Variants in PTPRN2 observed in about 807,000 individuals in gnomAD.
PTPRN2 encodes the protein protein tyrosine phosphatase receptor type N2, also known as receptor-type tyrosine-protein phosphatase N2.
PTPRN2 carries 74 observed loss-of-function variants against 118.8 expected under a neutral mutation model. The ratio of observed to expected loss-of-function variants is 0.62; its 90% CI spans 0.52 to 0.76. The LOEUF is 0.76. Among genes scored for constraint, PTPRN2 ranks in the 30% least tolerant of loss-of-function variants. PTPRN2 has a pLI of 0.00. For missense variants in PTPRN2, 1,481 were observed against 1,394.4 expected (o/e 1.06, Z -0.99); for synonymous variants, 641 against 608.0 (o/e 1.05, Z -0.80).
At chr7:157,894,138 G>A (rs1348850536) in intron 12 of PTPRN2, among the ~76,000 whole-genome samples, 1 of 152,196 alleles carries the variant, frequency 6.6e-6, no homozygotes, top group Non-Finnish European at 1.5e-5. Flanking sequence ...CTGAGGCTGA[G>A]CAGGGACCCT....
At position 157,627,858 on chromosome 7, in the gene PTPRN2, C is replaced by T. The variant is rs543122689; in HGVS notation, c.2197-6349G>A. ...CCCAGAGCACACGACATCCACACCA[C>T]AGCAGCTGAAGATGTGGCTGCATTC... On this transcript the variant is annotated intron_variant, in intron 14 of 22. Coordinates refer to ENST00000389418, the MANE Select transcript of PTPRN2 (RefSeq NM_002847.5). The surrounding 1 kb of genome is among the most constrained non-coding windows in gnomAD (Gnocchi z 4.2). 6.6e-6 allele frequency among the ~76,000 whole-genome samples: 1 copy of T among 152,322 alleles called. No homozygotes were observed. The highest frequency in any genetic ancestry group is 1.9e-4 in the East Asian group (1 of 5,178).
At position 158,522,084 on chromosome 7, in the gene PTPRN2, C is replaced by G. The variant is rs377195882; in HGVS notation, c.113-32299G>C. ...GTCACAATGGTGGACTGTCCAGGTG[C>G]TGGCTCAGGAGGGAGGTCCACGTCA... On this transcript the variant is annotated intron_variant, in intron 1 of 22. Coordinates refer to ENST00000389418, the MANE Select transcript of PTPRN2 (RefSeq NM_002847.5). Among the ~76,000 whole-genome samples, 175 of 47,970 alleles carry G rather than the reference C, an allele frequency of 3.6e-3. 1 individual carries two copies. The highest frequency in any genetic ancestry group is 6.4e-3 in the East Asian group (8 of 1,242). 31.5% of individuals were successfully genotyped at this position (47,970 alleles called of 152,430 possible). A position where few individuals can be genotyped will look rare whatever the true frequency, so the allele number is the denominator to read the frequency against.
intron 2 of PTPRN2, among the ~76,000 whole-genome samples, chr7:158,391,152 A>G (rs2151378247): frequency 6.6e-6 from 1 of 152,324 alleles, no homozygotes; most frequent in Admixed American, 6.5e-5. Flanking sequence ...TCTTATTCCA[A>G]ACACCCTAAC....
intron 3 of PTPRN2, among the ~76,000 whole-genome samples, chr7:158,294,065 C>A (rs1800298972): frequency 1.3e-5 from 2 of 152,134 alleles, no homozygotes; most frequent in Non-Finnish European, 2.9e-5. Flanking sequence ...GACTTTCATA[C>A]AAGTGGGAGT....
intron 12 of PTPRN2, among the ~76,000 whole-genome samples, chr7:157,766,952 C>T (rs1483407638): frequency 6.6e-6 from 1 of 152,210 alleles, no homozygotes; most frequent in Non-Finnish European, 1.5e-5. Flanking sequence ...TGGGTGGAAT[C>T]CTGTCTGATG....
intron 11 of PTPRN2, among the ~76,000 whole-genome samples, chr7:157,922,089 C>G (rs529584249): frequency 4.6e-5 from 7 of 152,288 alleles, no homozygotes; most frequent in Middle Eastern, 6.8e-3. Context: ...ATTTGAAGTG[C>G]AGATGTCCCT....
chr7:157,564,698 A>G (rs1330500204), intron 21 of PTPRN2, among the ~76,000 whole-genome samples: 1 of 152,256 alleles, frequency 6.6e-6, no homozygotes, highest in African/African-American at 2.4e-5. Context: ...CAACATCACT[A>G]GTTGTTAGGG....
intron 13 of PTPRN2, among the ~76,000 whole-genome samples, chr7:157,661,407 ACG>A (rs1452620828): frequency 1.3e-5 from 2 of 152,242 alleles, no homozygotes; most frequent in East Asian, 1.9e-4. Flanking sequence ...CAGCAAGGCA[ACG>A]CGCGGCCGGG....
chr7:158,001,648 C>T (rs1221416467), intron 11 of PTPRN2, among the ~76,000 whole-genome samples: 2 of 152,146 alleles, frequency 1.3e-5, no homozygotes, highest in Non-Finnish European at 2.9e-5. Flanking sequence ...CGGCCGAAAA[C>T]CATCAGCAGC....
At chr7:157,927,985 G>A (rs1799124522) in intron 11 of PTPRN2, among the ~76,000 whole-genome samples, 1 of 152,164 alleles carries the variant, frequency 6.6e-6, no homozygotes, top group African/African-American at 2.4e-5. Flanking sequence ...ACGCTTAGAG[G>A]GACTGTGGAG....
chr7:157,727,527 G>C (rs1057480802), intron 12 of PTPRN2, among the ~76,000 whole-genome samples: 2 of 149,304 alleles, frequency 1.3e-5, no homozygotes, highest in Non-Finnish European at 2.9e-5. Context: ...TGCCGGGGTG[G>C]GGGGAGGAAC....
At chr7:157,837,786 G>A (rs568254967) in intron 12 of PTPRN2, among the ~76,000 whole-genome samples, 2 of 152,332 alleles carry the variant, frequency 1.3e-5, no homozygotes, top group South Asian at 2.1e-4. Context: ...GCCGCCACAC[G>A]TCTGTTGCAC....
intron 2 of PTPRN2, among the ~76,000 whole-genome samples, chr7:158,357,288 T>A (rs1808466369): frequency 6.6e-6 from 1 of 152,202 alleles, no homozygotes; most frequent in African/African-American, 2.4e-5. Flanking sequence ...GGTCTGTGGG[T>A]TCCCTGGCCC....
chr7:158,343,532 C>A, intron 2 of PTPRN2, among the ~76,000 whole-genome samples: 1 of 152,346 alleles, frequency 6.6e-6, no homozygotes, highest in Non-Finnish European at 1.5e-5. Flanking sequence ...GCAGATGATC[C>A]GACAGCCCCA....
rs78328889 is a variant in PTPRN2 at position 157,595,292 on chromosome 7, G to C, written c.2442C>G (p.Pro814=). ...SPIMDHDPRN[P]AYIATQGPLP... ...GCGGTCCCTGGGTGGCGATGTACGC[G>C]GGGTTCCTCGGGTCGTGATCCATCT... The change falls in exon 17 of 23, where the codon CCC becomes CCG. Residue 814 remains proline, a synonymous_variant. Transcript: ENST00000389418. The C allele has an allele frequency of 0.062, 100,292 of 1,614,074 alleles. 3,739 individuals are homozygous for C. The highest frequency in any genetic ancestry group is 0.075 in the Non-Finnish European group (88,486 of 1,179,916).
At chr7:158,180,283 G>C (rs1416392933) in intron 5 of PTPRN2, among the ~76,000 whole-genome samples, 9 of 152,224 alleles carry the variant, frequency 5.9e-5, no homozygotes, top group Non-Finnish European at 1.5e-5. Flanking sequence ...TCAGTTGGTT[G>C]TAAGTGTTTG....
At chr7:158,390,597 C>T (rs1031765969) in intron 2 of PTPRN2, among the ~76,000 whole-genome samples, 2 of 152,154 alleles carry the variant, frequency 1.3e-5, no homozygotes, top group Non-Finnish European at 2.9e-5. Flanking sequence ...ACCGAGTGGC[C>T]GCAATGCTGC....
chr7:157,676,065 C>A lies in PTPRN2; in HGVS notation c.2001+6660G>T, dbSNP rs530892524. On this transcript the variant is annotated intron_variant, in intron 13 of 22. Coordinates refer to ENST00000389418, the MANE Select transcript of PTPRN2 (RefSeq NM_002847.5). The surrounding 1 kb of genome is among the most constrained non-coding windows in gnomAD (Gnocchi z 5.6). ...CCATGGACCGTCCCTTGGAGCGCCACAGACTGCAGGGTTTGTCCTTGTCAC... is the reference window on the plus strand; with the variant it reads ...CCATGGACCGTCCCTTGGAGCGCCAAAGACTGCAGGGTTTGTCCTTGTCAC... Among the ~76,000 whole-genome samples the A allele has an allele frequency of 1.1e-4, 16 of 152,264 alleles. No homozygotes were observed. Among genetic ancestry groups the A allele is most frequent in the African/African-American group, 3.9e-4 (16 of 41,544 alleles).
At chr7:157,786,637 C>T (rs989999625) in intron 12 of PTPRN2, among the ~76,000 whole-genome samples, 3 of 152,188 alleles carry the variant, frequency 2.0e-5, no homozygotes, top group Admixed American at 6.5e-5. Context: ...AGATAGAGGA[C>T]GGTGAGGCGC....
Sources: gnomAD v4.1 joint callset for allele counts (sites outside exome capture counted in the v4.1 genomes callset) on GRCh38, gnomAD v4.1.1 for gene constraint, Gnocchi (gnomAD v3.1) non-coding constraint, MANE v1.5 for transcripts, NCBI Gene and HGNC (gene_info 2026-07-23, HGNC 2026-07-21) for gene names.